Variants in NRP1 observed in about 807,000 individuals in gnomAD.
NRP1 encodes the protein neuropilin-1.
A neutral mutation model predicts 106.7 loss-of-function variants in NRP1; 35 were observed. The observed-to-expected ratio is 0.33, with a 90% CI of 0.25 to 0.43. The LOEUF (loss-of-function observed/expected upper bound fraction) is 0.43, where lower values mean the gene tolerates loss of function less well. Ranked by LOEUF, NRP1 falls within the 20% of genes least tolerant of loss-of-function variation. The probability of loss-of-function intolerance (pLI) is 1.00; values close to 1 mark genes in which losing one functional copy is unlikely to be tolerated. For missense variants in NRP1, 1,024 were observed against 1,170.4 expected (o/e 0.87, Z 1.83); for synonymous variants, 437 against 417.9 (o/e 1.05, Z -0.56).
chr10:33,266,270 T>C (rs1588881296), intron 3 of NRP1, among the ~76,000 whole-genome samples: 3 of 152,362 alleles, frequency 2.0e-5, no homozygotes, highest in Admixed American at 2.0e-4. Context: ...CCAGGTTTTC[T>C]TGTGTATTTC....
intron 2 of NRP1, among the ~76,000 whole-genome samples, chr10:33,311,783 C>G (rs1254861696): frequency 6.6e-6 from 1 of 152,102 alleles, no homozygotes; most frequent in East Asian, 1.9e-4. Flanking sequence ...GAATGTTTAA[C>G]CATGACCTCA....
At chr10:33,200,961 G>A (rs1555321) in intron 11 of NRP1, 36,031 of 152,112 alleles carry the variant, frequency 0.24, 4,882 homozygotes, top group East Asian at 0.6. Flanking sequence ...GCGGTTCTTA[G>A]TATATGAGAG....
At chr10:33,210,613 T>A (rs1405568601) in intron 9 of NRP1, among the ~76,000 whole-genome samples, 2 of 152,236 alleles carry the variant, frequency 1.3e-5, no homozygotes, top group Non-Finnish European at 2.9e-5. Context: ...AGATGAGGAC[T>A]TTGAGTGTTT....
At chr10:33,184,014 C>T (rs552895926) in intron 15 of NRP1, among the ~76,000 whole-genome samples, 1 of 152,048 alleles carries the variant, frequency 6.6e-6, no homozygotes, top group African/African-American at 2.4e-5. Flanking sequence ...TTCCTTCCTT[C>T]TTTTTTCTTT....
intron 6 of NRP1, among the ~76,000 whole-genome samples, chr10:33,234,686 G>T (rs907097072): frequency 1.3e-5 from 2 of 152,116 alleles, no homozygotes; most frequent in Admixed American, 6.6e-5. Context: ...GAAGAACAGC[G>T]CAAGGCAGGA....
chr10:33,275,229 T>A (rs1843596318), intron 2 of NRP1, among the ~76,000 whole-genome samples: 1 of 152,208 alleles, frequency 6.6e-6, no homozygotes, highest in Admixed American at 6.5e-5. Flanking sequence ...TTTAGAAATC[T>A]GTTCTAAGCG....
intron 15 of NRP1, among the ~76,000 whole-genome samples, chr10:33,184,171 C>T (rs1277420085): frequency 1.3e-5 from 2 of 152,124 alleles, no homozygotes; most frequent in African/African-American, 2.4e-5. Context: ...CGTGCCACCA[C>T]GCCCAGCTAA....
chr10:33,202,716 T>C, intron 11 of NRP1, 175 bp downstream of exon 11: 1 of 1,552,910 alleles, frequency 6.4e-7, no homozygotes, highest in Non-Finnish European at 8.7e-7. Flanking sequence ...TAAGAACAAC[T>C]CATCTATCCA....
rs1264931204 is a variant in NRP1 at position 33,323,394 on chromosome 10, A to G, written c.248+7314T>C. On this transcript the variant is annotated intron_variant, in intron 2 of 16. Coordinates refer to ENST00000374867, the MANE Select transcript of NRP1 (RefSeq NM_003873.7). ...CCACGTTATAAGGCAAAAGTTCTCCATGAACTTGAACTCTATAAAGGAATT... is the reference window on the plus strand; with the variant it reads ...CCACGTTATAAGGCAAAAGTTCTCCGTGAACTTGAACTCTATAAAGGAATT... 2.0e-5 allele frequency among the ~76,000 whole-genome samples: 3 copies of G among 152,206 alleles called. No homozygotes were observed. In the East Asian group the frequency reaches 5.8e-4, roughly 29 times the overall value.
intron 2 of NRP1, among the ~76,000 whole-genome samples, chr10:33,312,464 T>C (rs1323699147): frequency 2.0e-5 from 3 of 152,248 alleles, no homozygotes; most frequent in African/African-American, 7.2e-5. Context: ...GAAATGATGA[T>C]GGACTATCAG....
At chr10:33,313,446 C>T (rs1169967816) in intron 2 of NRP1, among the ~76,000 whole-genome samples, 1 of 151,988 alleles carries the variant, frequency 6.6e-6, no homozygotes, top group African/African-American at 2.4e-5. Context: ...ACATTGTAGG[C>T]CTGTATCAAA....
chr10:33,288,723 C>G (rs899394855), intron 2 of NRP1: 1 of 152,166 alleles, frequency 6.6e-6, no homozygotes, highest in Non-Finnish European at 1.5e-5. Flanking sequence ...TGATTCAAAT[C>G]TCACTCTTTC....
At chr10:33,244,728 T>A in intron 6 of NRP1, among the ~76,000 whole-genome samples, 1 of 152,312 alleles carries the variant, frequency 6.6e-6, no homozygotes, top group East Asian at 1.9e-4. Flanking sequence ...CTCTTGATTA[T>A]ATTTGAATTA....
intron 10 of NRP1, among the ~76,000 whole-genome samples, 169 bp from the exon 11 acceptor site, chr10:33,203,164 TA>T (rs1475018719): frequency 1.0e-4 from 16 of 152,382 alleles, no homozygotes; most frequent in Non-Finnish European, 2.4e-4. Flanking sequence ...TTCTGCAGAA[TA>T]TATAATAGCA....
intron 6 of NRP1, among the ~76,000 whole-genome samples, chr10:33,229,462 G>A (rs1375114830): frequency 6.6e-6 from 1 of 152,188 alleles, no homozygotes; most frequent in Admixed American, 6.5e-5. Context: ...CTTGAAGTCC[G>A]AGGAAGCATG....
At chr10:33,261,498 G>C (rs1842570917) in intron 4 of NRP1, among the ~76,000 whole-genome samples, 1 of 151,948 alleles carries the variant, frequency 6.6e-6, no homozygotes, top group South Asian at 2.1e-4. Flanking sequence ...CAGAACTCTG[G>C]GCAAATCTCA....
chr10:33,254,445 T>G (rs1185525203), intron 5 of NRP1, among the ~76,000 whole-genome samples: 1 of 152,220 alleles, frequency 6.6e-6, no homozygotes, highest in Non-Finnish European at 1.5e-5. Flanking sequence ...ATTTGAAATT[T>G]ACCAGGAAAT....
At chr10:33,196,622 T>C (rs1382141609) in intron 12 of NRP1, among the ~76,000 whole-genome samples, 2 of 152,188 alleles carry the variant, frequency 1.3e-5, no homozygotes, top group Non-Finnish European at 2.9e-5. Flanking sequence ...GTCTGGGCTG[T>C]GTGGTAGCAG....
rs1340461024 is a variant in NRP1, at chr10:33,250,443, T to C, written c.981+3585A>G. Among the ~76,000 whole-genome samples, 4 of 152,200 alleles carry C rather than the reference T, an allele frequency of 2.6e-5. No homozygotes were observed. In the East Asian group the frequency reaches 7.7e-4, roughly 29 times the overall value. On this transcript the variant is annotated intron_variant, in intron 6 of 16. Transcript: ENST00000374867. Reference sequence around the variant, plus strand: ...AACCTGAAGCTAAGCTTTTGTGACTTTCACCTTTCAGAGGGATGGAGCAGC... The same window carrying C: ...AACCTGAAGCTAAGCTTTTGTGACTCTCACCTTTCAGAGGGATGGAGCAGC...
Sources: allele counts gnomAD v4.1 joint callset (sites outside exome capture counted in the v4.1 genomes callset), GRCh38; gene constraint gnomAD v4.1.1; transcripts MANE v1.5; gene names NCBI Gene and HGNC (gene_info 2026-07-23, HGNC 2026-07-21).